Variants in RNF10 observed in about 807,000 individuals in gnomAD.
RNF10 encodes the protein ring finger protein 10.
Under a neutral mutation model 91.4 loss-of-function variants are expected in RNF10, and 38 were observed. The observed-to-expected ratio is 0.42, with a 90% confidence interval of 0.32 to 0.54. The LOEUF is 0.54. RNF10 is among the 20% of genes least tolerant of loss of function. The pLI, the probability that RNF10 is intolerant of heterozygous loss-of-function variation, is 0.16. For missense variants in RNF10, 945 were observed against 1,012.0 expected, an observed-to-expected ratio of 0.93 and a Z score of 0.90; for synonymous variants, 364 against 366.3, an observed-to-expected ratio of 0.99 and a Z score of 0.07.
chr12:120,570,954 G>T (rs1876526067), intron 13 of RNF10, among the ~76,000 whole-genome samples: 1 of 152,138 alleles, frequency 6.6e-6, no homozygotes, highest in African/African-American at 2.4e-5. Context: ...ATGACTTCTA[G>T]AGTTACTGTA....
intron 16 of RNF10, among the ~76,000 whole-genome samples, chr12:120,576,189 G>A (rs1445299107): frequency 6.6e-6 from 1 of 152,244 alleles, no homozygotes; most frequent in African/African-American, 2.4e-5. Context: ...CCAAGATACA[G>A]TGGGGTGTAC....
At chr12:120,543,372 C>A (rs1871844377) in intron 1 of RNF10, among the ~76,000 whole-genome samples, 1 of 152,094 alleles carries the variant, frequency 6.6e-6, no homozygotes, top group Non-Finnish European at 1.5e-5. Flanking sequence ...GGGGCCAGAC[C>A]CCATGGCTCA....
In RNF10 at chr12:120,577,341, A is replaced by G. The variant is rs2137283220; in HGVS notation, c.*675A>G. The G allele has an allele frequency of 2.8e-6, 1 of 363,220 alleles. No individual in the cohort carries two copies. Among genetic ancestry groups the G allele is most frequent in the Non-Finnish European group, 5.3e-6 (1 of 187,942 alleles). The allele number at this position is 363,220 out of a possible 1,614,324, so 22.5% of individuals were successfully genotyped here. A position where few individuals can be genotyped will look rare whatever the true frequency, so the allele number is the denominator to read the frequency against. On this transcript the variant is annotated 3_prime_UTR_variant, in exon 17 of 17. Coordinates refer to ENST00000325954, the MANE Select transcript of RNF10 (RefSeq NM_014868.5). ...AACTCACGAAGCCCTGAGACCTGCT[A>G]CCCCTAAGATCGAGCTTGTTTTCAG...
rs1420007389 is a variant in RNF10 at position 120,566,499 on chromosome 12, C to T, written c.1886-326C>T. The stretch of plus-strand genomic sequence containing the variant: ...AATTCAGGCCAGGTGTGGTGGCTCA[C>T]GTCTATAATCCCAACACTTTGGGAG... On this transcript the variant is annotated intron_variant, in intron 12 of 16. Transcript: ENST00000325954. 2.0e-5 allele frequency among the ~76,000 whole-genome samples: 3 copies of T among 152,082 alleles called. No homozygotes were observed. The East Asian group carries it at 5.8e-4, about 29-fold the overall frequency.
In RNF10 at chr12:120,563,484, A is replaced by C. The variant is rs1362703979; in HGVS notation, c.1392A>C (p.Pro464=). ...AVSEPEPEGL[P]EACDDLELAD... ...CTGAACCAGAGCCTGAGGGGTTGCC[A>C]GAGGCCTGTGATGACTTGGAGTTAG... is the stretch of plus-strand genomic sequence containing the variant. Residue 464 remains proline (P), a synonymous_variant, in exon 9 of 17, where the codon CCA becomes CCC. Transcript: ENST00000325954. The C allele has an allele frequency of 1.2e-6, 2 of 1,614,172 alleles. No individual in the cohort carries two copies. The highest frequency in any genetic ancestry group is 1.1e-5 in the South Asian group (1 of 91,086).
intron 1 of RNF10, chr12:120,539,375 A>C: frequency 7.8e-7 from 1 of 1,285,546 alleles, no homozygotes; most frequent in Non-Finnish European, 1.0e-6. Context: ...CAGAATTACT[A>C]ATTTCAGCTG....
intron 1 of RNF10, among the ~76,000 whole-genome samples, chr12:120,546,170 G>GAGA: frequency 6.6e-6 from 1 of 152,296 alleles, no homozygotes; most frequent in South Asian, 2.1e-4. Context: ...CATGTGGTTT[G>GAGA]ATCTACGCTG....
intron 16 of RNF10, among the ~76,000 whole-genome samples, chr12:120,576,389 G>A (rs546819983): frequency 1.3e-5 from 2 of 152,318 alleles, no homozygotes; most frequent in East Asian, 3.9e-4. Context: ...TACAGATGGG[G>A]AAACTGAGGT....
At position 120,563,878 on chromosome 12, in the gene RNF10, C is replaced by T. The variant is rs574034637; in HGVS notation, c.1600C>T (p.Leu534=). ...CTGCCTCGTGCGGGAGTACGGCAGC[C>T]TGGAGAGGAGCCCCGAGAAGATCTC... ...VRCLVREYGS[L]ERSPEKISAT... Residue 534 remains leucine, a synonymous_variant, in exon 10 of 17, where the codon CTG becomes TTG. Coordinates refer to ENST00000325954, the MANE Select transcript of RNF10 (RefSeq NM_014868.5). 2 of 1,614,112 alleles carry T rather than the reference C, an allele frequency of 1.2e-6. No individual in the cohort carries two copies. Among genetic ancestry groups the T allele is most frequent in the African/African-American group, 1.3e-5 (1 of 75,020 alleles).
rs142763100 is a variant in RNF10 at position 120,557,315 on chromosome 12, A to G, written c.679A>G (p.Ile227Val). Residue 227 changes from isoleucine (I) to valine (V), a missense_variant, in exon 5 of 17, where the codon ATA (isoleucine) becomes GTA (valine). By Grantham distance (29) the Ile-to-Val change is conservative. Transcript: ENST00000325954. ...TAGCCATGAAGTGCCATCTTGCCCA[A>G]TATGCCTCTATCCACCTACTGCAGC... ...ICSHEVPSCP[I>V]CLYPPTAAKI... 5.0e-5 allele frequency: 81 copies of G among 1,613,946 alleles called. No individual in the cohort carries two copies. The highest frequency in any genetic ancestry group is 1.2e-4 in the Admixed American group (7 of 59,974).
chr12:120,556,904 G>A (rs1173752890), intron 4 of RNF10, among the ~76,000 whole-genome samples: 2 of 151,834 alleles, frequency 1.3e-5, no homozygotes, highest in East Asian at 1.9e-4. Flanking sequence ...GGTAATTCCA[G>A]GACTTTGGGA....
At chr12:120,554,350 CTT>C (rs910297456) in intron 3 of RNF10, 2 of 215,022 alleles carry the variant, frequency 9.3e-6, no homozygotes, top group African/African-American at 4.7e-5. Context: ...CGAGAACAGT[CTT>C]TTCAACTGCC....
chr12:120,556,559 C>CAAAAAAA (rs1874054638), intron 4 of RNF10, among the ~76,000 whole-genome samples: 1 of 101,096 alleles, frequency 9.9e-6, no homozygotes, highest in African/African-American at 4.3e-5. Flanking sequence ...AAAAAAAAAG[C>CAAAAAAA]TTGAACTCTC....
intron 3 of RNF10, among the ~76,000 whole-genome samples, chr12:120,553,078 T>C (rs1873393076): frequency 6.0e-5 from 1 of 16,782 alleles, no homozygotes; most frequent in Admixed American, 9.7e-4. Context: ...TTTTTTTTTT[T>C]TTTTTTTTTT....
Position 120,557,248 on chromosome 12 carries a change from A to T in RNF10, c.646-34A>T, listed in dbSNP as rs1874184874. 14 of 1,607,540 alleles carry T rather than the reference A, an allele frequency of 8.7e-6. No homozygotes were observed. In the East Asian group the frequency reaches 3.1e-4, roughly 36 times the overall value. On this transcript the variant is annotated intron_variant, in intron 4 of 16. Transcript: ENST00000325954. ...TTTGACAGTCCCTAATCAGTTCTTCAAGCAGTGAACCTTCTGGTGGCATTT... is the reference window on the plus strand; with the variant it reads ...TTTGACAGTCCCTAATCAGTTCTTCTAGCAGTGAACCTTCTGGTGGCATTT...
chr12:120,554,504 A>G (rs1212159738), intron 3 of RNF10: 1 of 498,704 alleles, frequency 2.0e-6, no homozygotes, highest in African/African-American at 2.0e-5. Context: ...GCAGAAGAAA[A>G]CAGTTCATGG....
chr12:120,544,207 A>G (rs1349061109), intron 1 of RNF10, among the ~76,000 whole-genome samples: 1 of 152,042 alleles, frequency 6.6e-6, no homozygotes, highest in African/African-American at 2.4e-5. Flanking sequence ...AGCCTGGGCA[A>G]TAGAGTGAGA....
intron 14 of RNF10, among the ~76,000 whole-genome samples, chr12:120,571,655 A>C (rs1378869220): frequency 6.6e-6 from 1 of 152,224 alleles, no homozygotes; most frequent in East Asian, 1.9e-4. Context: ...AGGCAGAATC[A>C]GAGTTTAGAA....
chr12:120,568,032 C>T (rs569813786), intron 13 of RNF10, among the ~76,000 whole-genome samples: 1 of 152,128 alleles, frequency 6.6e-6, no homozygotes, highest in East Asian at 1.9e-4. Flanking sequence ...CCAAGGTGGG[C>T]AGATTCCCTT....
Sources: allele counts gnomAD v4.1 joint callset (sites outside exome capture counted in the v4.1 genomes callset), GRCh38; gene constraint gnomAD v4.1.1; transcripts MANE v1.5; gene names NCBI Gene and HGNC (gene_info 2026-07-23, HGNC 2026-07-21).